NEBL: variants seen among roughly 807,000 people sequenced by gnomAD.
NEBL encodes the protein LIM and SH3 protein 2.
In NEBL, 122 loss-of-function variants were observed where a neutral mutation model predicts 140.2. That is an observed-to-expected ratio of 0.87 (90% CI 0.75 to 1.01). The LOEUF is 1.01. Among genes scored for constraint, NEBL ranks in the 50% least tolerant of loss-of-function variants. The pLI is 0.00. For synonymous variants in NEBL, 436 were observed against 398.9 expected (o/e 1.09, Z -1.11); for missense variants, 1,365 against 1,231.3 (o/e 1.11, Z -1.62).
At position 20,785,870 on chromosome 10, in the gene NEBL, G is replaced by C; in HGVS notation, c.2922C>G (p.Ser974=). The stretch of plus-strand genomic sequence containing the variant: ...TGACGATGTAGTCGCCGTCTCTAAA[G>C]GAGACCTCGTCTTCATCCTGGGCAC... ...DYSAQDEDEV[S]FRDGDYIVNV... The change falls in exon 28 of 28, where the codon TCC becomes TCG. Residue 974 remains serine, a synonymous_variant. Transcript: ENST00000377122. The C allele has an allele frequency of 6.2e-7, 1 of 1,614,034 alleles. No homozygotes were observed. The highest frequency in any genetic ancestry group is 8.5e-7 in the Non-Finnish European group (1 of 1,179,940).
intron 3 of NEBL, among the ~76,000 whole-genome samples, chr10:20,964,950 T>C (rs1439307168): frequency 6.6e-6 from 1 of 152,254 alleles, no homozygotes; most frequent in African/African-American, 2.4e-5. Flanking sequence ...CCCGTGTCCA[T>C]GTGTTGTACA....
At chr10:20,899,480 T>C (rs1297399617), upstream of NEBL, 74 of 1,253,062 alleles carry the variant, frequency 5.9e-5, no homozygotes, top group Non-Finnish European at 7.1e-5. Flanking sequence ...TGAGATTTAA[T>C]GCACAAACTT....
intron 3 of NEBL, among the ~76,000 whole-genome samples, chr10:21,232,713 G>C (rs1412339980): frequency 6.6e-6 from 1 of 152,212 alleles, no homozygotes; most frequent in Non-Finnish European, 1.5e-5. Context: ...GAGACAGACA[G>C]GTACCAGTCA....
chr10:21,274,365 C>T (rs1842893659), intron 1 of NEBL, among the ~76,000 whole-genome samples: 1 of 152,156 alleles, frequency 6.6e-6, no homozygotes, highest in African/African-American at 2.4e-5. Context: ...ATCACATAGT[C>T]GATTAACACA....
At chr10:21,167,494 G>A (rs1261282549) in intron 2 of NEBL, among the ~76,000 whole-genome samples, 2 of 152,144 alleles carry the variant, frequency 1.3e-5, no homozygotes, top group Non-Finnish European at 2.9e-5. Flanking sequence ...GTCGTTCCTT[G>A]GTGGCACCCC....
chr10:20,912,191 G>T (rs1028590368), intron 4 of NEBL, among the ~76,000 whole-genome samples: 4 of 152,070 alleles, frequency 2.6e-5, no homozygotes, highest in Non-Finnish European at 5.9e-5. Context: ...TTTTTATATT[G>T]CTTCTGTTTT....
chr10:20,813,937 A>T lies in NEBL; in HGVS notation c.2346+2T>A. The T allele has an allele frequency of 6.4e-7, 1 of 1,561,620 alleles. No homozygotes were observed. The highest frequency in any genetic ancestry group is 1.1e-5 in the South Asian group (1 of 90,014). The stretch of plus-strand genomic sequence containing the variant: ...TTTAAGAATGATCTGGTTGGACCCT[A>T]CCATTGAAATATGATTTTGTGCTTC... On this transcript the variant is annotated splice_donor_variant, in intron 23 of 27. Transcript: ENST00000377122. LOFTEE classifies it high-confidence loss of function.
In NEBL at chr10:21,052,901, G is replaced by A. The variant is rs16921476; in HGVS notation, c.165-32700C>T. 9.2e-3 allele frequency among the ~76,000 whole-genome samples: 1,394 copies of A among 152,190 alleles called. 44 individuals carry two copies. In the East Asian group the frequency reaches 0.098, roughly 11 times the overall value. On this transcript the variant is annotated intron_variant, in intron 2 of 6. Coordinates refer to the NEBL transcript ENST00000417816. ...GACCTGGGGTCCACATAAATAATTCGCTGACATACAATTAAATGGAAAGAG... is the reference window on the plus strand; with the variant it reads ...GACCTGGGGTCCACATAAATAATTCACTGACATACAATTAAATGGAAAGAG...
At chr10:20,995,045 A>G (rs1474127841) in intron 3 of NEBL, among the ~76,000 whole-genome samples, 1 of 152,220 alleles carries the variant, frequency 6.6e-6, no homozygotes, top group East Asian at 1.9e-4. Context: ...CACCTCTCCC[A>G]AAAGCCAACC....
chr10:20,810,482 AT>A (rs1357483623), intron 24 of NEBL, among the ~76,000 whole-genome samples: 5 of 152,252 alleles, frequency 3.3e-5, no homozygotes, highest in African/African-American at 1.2e-4. Context: ...TAGGGAATGC[AT>A]ATCTTATTAG....
intron 4 of NEBL, among the ~76,000 whole-genome samples, chr10:20,884,891 T>G (rs962251617): frequency 1.3e-5 from 2 of 152,262 alleles, no homozygotes. Context: ...AATCTGTGCT[T>G]ATAAAATTGT....
intron 14 of NEBL, among the ~76,000 whole-genome samples, chr10:20,833,467 T>C (rs1340226288): frequency 6.6e-6 from 1 of 152,234 alleles, no homozygotes; most frequent in African/African-American, 2.4e-5. Context: ...TATGATTATA[T>C]GCAAATGAGA....
At chr10:21,259,291 T>C (rs752336763) in intron 1 of NEBL, among the ~76,000 whole-genome samples, 9 of 152,036 alleles carry the variant, frequency 5.9e-5, no homozygotes, top group Non-Finnish European at 2.9e-5. Context: ...TTTCACAACA[T>C]TGGCCAGGCT....
chr10:20,950,621 A>G (rs911717505), intron 4 of NEBL, among the ~76,000 whole-genome samples: 1 of 152,214 alleles, frequency 6.6e-6, no homozygotes, highest in African/African-American at 2.4e-5. Flanking sequence ...TGTTTCATGA[A>G]TAAAGGTGTA....
At chr10:21,266,427 C>T (rs535426643) in intron 1 of NEBL, among the ~76,000 whole-genome samples, 14 of 152,218 alleles carry the variant, frequency 9.2e-5, no homozygotes, top group Admixed American at 2.6e-4. Context: ...CAGGCATGAG[C>T]CACCACTCAT....
chr10:21,092,236 A>T (rs891814554), intron 2 of NEBL, among the ~76,000 whole-genome samples: 4 of 152,172 alleles, frequency 2.6e-5, no homozygotes, highest in Admixed American at 2.0e-4. Context: ...CCATTCATTC[A>T]TTCATTCATT....
At chr10:20,839,251 A>C (rs1175983733) in intron 13 of NEBL, among the ~76,000 whole-genome samples, 1 of 152,206 alleles carries the variant, frequency 6.6e-6, no homozygotes, top group African/African-American at 2.4e-5. Flanking sequence ...TGAGAGAATA[A>C]AACAACTTTT....
chr10:20,812,997 AT>A, intron 23 of NEBL, 57 bp from the exon 24 acceptor site: 2 of 1,438,618 alleles, frequency 1.4e-6, no homozygotes, highest in Non-Finnish European at 1.9e-6. Flanking sequence ...CTTTCACAAC[AT>A]TTTTATTAAA....
intron 4 of NEBL, among the ~76,000 whole-genome samples, chr10:20,909,163 T>A (rs1848224697): frequency 6.6e-6 from 1 of 151,840 alleles, no homozygotes; most frequent in Non-Finnish European, 1.5e-5. Flanking sequence ...CCAACTACAC[T>A]CTTTGCATTA....
Sources: gnomAD v4.1 joint callset for allele counts (sites outside exome capture counted in the v4.1 genomes callset) on GRCh38, gnomAD v4.1.1 for gene constraint, MANE v1.5 for transcripts, NCBI Gene and HGNC (gene_info 2026-07-23, HGNC 2026-07-21) for gene names.